GRM8: variants seen among roughly 807,000 people sequenced by gnomAD.
The protein encoded by GRM8 is glutamate metabotropic receptor 8, also known as metabotropic glutamate receptor 8.
GRM8 carries 47 observed loss-of-function variants against 87.2 expected under a neutral mutation model. The observed-to-expected ratio is 0.54, with a 90% confidence interval of 0.43 to 0.69. The LOEUF is 0.69. Ranked by LOEUF, GRM8 falls within the 30% of genes least tolerant of loss-of-function variation. The pLI, the probability that GRM8 is intolerant of heterozygous loss-of-function variation, is 0.00. For synonymous variants in GRM8, 396 were observed against 404.5 expected (o/e 0.98, Z 0.25); for missense variants, 1,019 against 1,139.2 (o/e 0.89, Z 1.52).
chr7:126,628,940 G>A (rs1800968409), intron 7 of GRM8, among the ~76,000 whole-genome samples: 1 of 151,078 alleles, frequency 6.6e-6, no homozygotes, highest in Admixed American at 6.6e-5. Context: ...AGGAGAGGAA[G>A]GGATAATGAA....
chr7:126,904,776 T>A, intron 3 of GRM8, 93 bp from the exon 4 acceptor site: 1 of 1,079,146 alleles, frequency 9.3e-7, no homozygotes, highest in Non-Finnish European at 1.4e-6. Flanking sequence ...CATACTTCTG[T>A]ATGAATATTA....
chr7:126,502,365 T>G (rs1809777744), intron 9 of GRM8, among the ~76,000 whole-genome samples: 1 of 151,996 alleles, frequency 6.6e-6, no homozygotes, highest in Non-Finnish European at 1.5e-5. Flanking sequence ...TAAGATCTGT[T>G]TACAGGAGGA....
At chr7:127,137,022 A>G (rs1827979965) in intron 2 of GRM8, among the ~76,000 whole-genome samples, 1 of 152,126 alleles carries the variant, frequency 6.6e-6, no homozygotes, top group Non-Finnish European at 1.5e-5. Flanking sequence ...TAAAAGTCAC[A>G]TTGTCCTGCA....
At chr7:126,952,808 A>G (rs1449141502) in intron 3 of GRM8, among the ~76,000 whole-genome samples, 1 of 152,092 alleles carries the variant, frequency 6.6e-6, no homozygotes, top group African/African-American at 2.4e-5. Flanking sequence ...AAAGTTAAGG[A>G]AAGATGAGAA....
intron 6 of GRM8, among the ~76,000 whole-genome samples, chr7:126,827,885 C>T (rs1278137960): frequency 6.6e-6 from 1 of 152,154 alleles, no homozygotes; most frequent in African/African-American, 2.4e-5. Context: ...AGATACATCC[C>T]ATCAATACCT....
In GRM8 at chr7:126,841,593, A is replaced by C. The variant is rs78270123; in HGVS notation, c.1156+60949T>G. Among the ~76,000 whole-genome samples the C allele has an allele frequency of 2.3e-3, 355 of 152,062 alleles. 1 individual carries two copies. Among genetic ancestry groups the C allele is most frequent in the African/African-American group, 8.1e-3 (334 of 41,482 alleles). ...GGTAAAAATAAAAGAAATCTGAATG[A>C]AGTCTGGCCTGTATTTTATTTTTAT... On this transcript the variant is annotated intron_variant, in intron 6 of 10. Coordinates refer to ENST00000339582, the MANE Select transcript of GRM8 (RefSeq NM_000845.3).
At chr7:127,064,895 G>A (rs892768424) in intron 3 of GRM8, among the ~76,000 whole-genome samples, 1 of 152,178 alleles carries the variant, frequency 6.6e-6, no homozygotes, top group African/African-American at 2.4e-5. Flanking sequence ...AGAGGAAAGG[G>A]AACACCTATA....
chr7:127,077,389 A>T (rs1220083809), intron 3 of GRM8, among the ~76,000 whole-genome samples: 1 of 152,168 alleles, frequency 6.6e-6, no homozygotes, highest in African/African-American at 2.4e-5. Context: ...TTTGTTCTTC[A>T]TGTGCATCCA....
intron 9 of GRM8, among the ~76,000 whole-genome samples, chr7:126,470,812 G>A (rs1164880398): frequency 1.3e-5 from 2 of 152,150 alleles, no homozygotes; most frequent in Non-Finnish European, 2.9e-5. Context: ...CACCAACAGT[G>A]TAAAAGTGTT....
intron 6 of GRM8, among the ~76,000 whole-genome samples, chr7:126,895,351 A>G (rs1455835027): frequency 6.6e-6 from 1 of 152,042 alleles, no homozygotes; most frequent in East Asian, 1.9e-4. Context: ...GGTTATCATT[A>G]CAAACTAACT....
intron 9 of GRM8, among the ~76,000 whole-genome samples, chr7:126,524,621 T>A (rs1048828477): frequency 6.6e-6 from 1 of 152,176 alleles, no homozygotes; most frequent in African/African-American, 2.4e-5. Context: ...TTTCCTCTTC[T>A]AGGATGTTTA....
At chr7:126,661,347 T>C (rs1238000120) in intron 7 of GRM8, among the ~76,000 whole-genome samples, 1 of 152,252 alleles carries the variant, frequency 6.6e-6, no homozygotes, top group Non-Finnish European at 1.5e-5. Context: ...CTTTATTTTC[T>C]TGTAAATGAT....
At chr7:126,696,880 A>G (rs937884377) in intron 7 of GRM8, among the ~76,000 whole-genome samples, 2 of 152,138 alleles carry the variant, frequency 1.3e-5, no homozygotes, top group African/African-American at 4.8e-5. Flanking sequence ...TATACACCCA[A>G]AAGGAAGTGA....
chr7:126,759,384 C>T (rs1161254694), intron 7 of GRM8, among the ~76,000 whole-genome samples: 2 of 132,022 alleles, frequency 1.5e-5, no homozygotes, highest in African/African-American at 2.8e-5. Context: ...CCATTAAATA[C>T]GTTCCATCAA....
At chr7:126,840,102 T>G (rs144680191) in intron 6 of GRM8, among the ~76,000 whole-genome samples, 12 of 152,302 alleles carry the variant, frequency 7.9e-5, no homozygotes, top group Middle Eastern at 3.4e-3. Flanking sequence ...CCATCTGGGA[T>G]CAGTTTTGAT....
rs752359180 is a variant in GRM8 at position 127,243,256 on chromosome 7, A to T, written c.-52T>A. 2 of 1,526,100 alleles carry T rather than the reference A, an allele frequency of 1.3e-6. No individual in the cohort carries two copies. The highest frequency in any genetic ancestry group is 1.8e-6 in the Non-Finnish European group (2 of 1,131,036). The allele number at this position is 1,526,100 out of a possible 1,614,324, so 94.5% of individuals were successfully genotyped here. A position where few individuals can be genotyped will look rare whatever the true frequency, so the allele number is the denominator to read the frequency against. On this transcript the variant is annotated 5_prime_UTR_variant, in exon 2 of 11. Transcript: ENST00000339582. ...AAGACCCAAAGTTTATTCTTGCCAC[A>T]GAAGAAAGGGCACCACCTGAGGCTG...
rs148553836 is a variant in GRM8, at chr7:126,533,685, C to A, written c.1697G>T (p.Arg566Leu). The A allele has an allele frequency of 1.1e-5, 18 of 1,613,962 alleles. No homozygotes were observed. The highest frequency in any genetic ancestry group is 1.6e-4 in the Middle Eastern group (1 of 6,062). ...GATGGGGATAAGCTGGCAGCCTGTG[C>A]GGTTCATGTTGGGTCTCTGATCCAG... Reference protein sequence around the residue: ...CPLDQRPNMNRTGCQLIPIIK... With the variant: ...CPLDQRPNMNLTGCQLIPIIK... Residue 566 changes from arginine (R) to leucine (L), a missense_variant, in exon 9 of 11, where the codon CGC (arginine) becomes CTC (leucine). Arg to Leu is a moderately radical substitution (Grantham distance 102). Coordinates refer to ENST00000339582, the MANE Select transcript of GRM8 (RefSeq NM_000845.3).
rs78195461 is a variant in GRM8 at position 126,670,156 on chromosome 7, A to G, written c.1358-60658T>C. Among the ~76,000 whole-genome samples the G allele has an allele frequency of 6.9e-3, 1,049 of 152,308 alleles. 10 individuals carry two copies. The highest frequency in any genetic ancestry group is 0.031 in the Middle Eastern group (9 of 294). ...ATAATTTATGGTAATCTGGAATTCT[A>G]TTTCATAATATTAAGTGCTTTAAAC... is the stretch of plus-strand genomic sequence containing the variant. On this transcript the variant is annotated intron_variant, in intron 7 of 10. Coordinates refer to ENST00000339582, the MANE Select transcript of GRM8 (RefSeq NM_000845.3).
At chr7:127,016,207 A>C (rs1193092349) in intron 3 of GRM8, among the ~76,000 whole-genome samples, 6 of 152,068 alleles carry the variant, frequency 3.9e-5, no homozygotes, top group Non-Finnish European at 8.8e-5. Context: ...TACATCCACC[A>C]ATAAAGAGGA....
Sources: gnomAD v4.1 joint callset for allele counts (sites outside exome capture counted in the v4.1 genomes callset) on GRCh38, gnomAD v4.1.1 for gene constraint, MANE v1.5 for transcripts, NCBI Gene and HGNC (gene_info 2026-07-23, HGNC 2026-07-21) for gene names.